Variants in SLAIN2 observed in about 807,000 individuals in gnomAD.
SLAIN2 encodes the protein SLAIN motif-containing protein 2.
A neutral mutation model predicts 56.6 loss-of-function variants in SLAIN2; 31 were observed. The ratio of observed to expected loss-of-function variants is 0.55; its 90% confidence interval spans 0.41 to 0.74. The LOEUF is 0.74. Among genes scored for constraint, SLAIN2 ranks in the 30% least tolerant of loss-of-function variants. The pLI, the probability that SLAIN2 is intolerant of heterozygous loss-of-function variation, is 0.00. For missense variants in SLAIN2, 777 were observed against 754.2 expected (o/e 1.03, Z -0.35); for synonymous variants, 317 against 284.9 (o/e 1.11, Z -1.13).
intron 1 of SLAIN2, among the ~76,000 whole-genome samples, chr4:48,360,582 A>G (rs1349375740): frequency 1.3e-5 from 2 of 151,958 alleles, no homozygotes; most frequent in Non-Finnish European, 1.5e-5. Flanking sequence ...ATGAAGTGAG[A>G]CTCTGTCTCC....
intron 1 of SLAIN2, among the ~76,000 whole-genome samples, chr4:48,363,740 G>A (rs1252159408): frequency 5.1e-5 from 5 of 98,054 alleles, no homozygotes; most frequent in South Asian, 4.8e-4. Flanking sequence ...CTGGCCAGGC[G>A]GGGGGCTGAC....
At chr4:48,360,611 C>T (rs765938370) in intron 1 of SLAIN2, among the ~76,000 whole-genome samples, 1 of 151,918 alleles carries the variant, frequency 6.6e-6, no homozygotes, top group African/African-American at 2.4e-5. Context: ...TTAAAAAAAA[C>T]ATAAATAGAT....
intron 6 of SLAIN2, among the ~76,000 whole-genome samples, chr4:48,404,429 G>A (rs1454891160): frequency 6.6e-6 from 1 of 151,896 alleles, no homozygotes; most frequent in Non-Finnish European, 1.5e-5. Flanking sequence ...CTTCCTCTTT[G>A]CTTCTCTATT....
intron 6 of SLAIN2, among the ~76,000 whole-genome samples, chr4:48,385,941 T>G (rs1221709042): frequency 2.2e-4 from 33 of 151,320 alleles, no homozygotes; most frequent in African/African-American, 7.8e-4. Context: ...TCTAAAAAAA[T>G]GTTTTTTTTT....
intron 6 of SLAIN2, among the ~76,000 whole-genome samples, chr4:48,416,406 A>AAAC (rs1281835417): frequency 8.2e-6 from 1 of 122,246 alleles, no homozygotes; most frequent in Non-Finnish European, 1.7e-5. Flanking sequence ...TTGTACATTG[A>AAAC]TTTTGTATCC....
At chr4:48,374,406 T>G (rs1424371550) in intron 2 of SLAIN2, among the ~76,000 whole-genome samples, 1 of 151,862 alleles carries the variant, frequency 6.6e-6, no homozygotes, top group Admixed American at 6.6e-5. Flanking sequence ...CCAGCTAATT[T>G]TTTTTGTATT....
intron 1 of SLAIN2, among the ~76,000 whole-genome samples, chr4:48,359,702 A>G (rs1715264662): frequency 6.6e-6 from 1 of 152,260 alleles, no homozygotes; most frequent in African/African-American, 2.4e-5. Context: ...TATTACACTT[A>G]AAGAAATAGT....
chr4:48,405,742 G>T (rs1716677014), intron 6 of SLAIN2, among the ~76,000 whole-genome samples: 1 of 151,742 alleles, frequency 6.6e-6, no homozygotes, highest in African/African-American at 2.4e-5. Context: ...TTACAGAATT[G>T]GGAATTTTAA....
chr4:48,388,321 G>A (rs1022314258), intron 6 of SLAIN2, among the ~76,000 whole-genome samples: 2 of 152,106 alleles, frequency 1.3e-5, no homozygotes, highest in Admixed American at 1.3e-4. Context: ...ATTAAAGGAA[G>A]GAATGTTCGT....
Position 48,368,051 on chromosome 4 carries a change from C to CTTTT in SLAIN2, c.390-1788_390-1785dup, listed in dbSNP as rs36096623. Among the ~76,000 whole-genome samples the CTTTT allele has an allele frequency of 1.4e-4, 12 of 88,848 alleles. 1 individual carries two copies. Among genetic ancestry groups the CTTTT allele is most frequent in the Admixed American group, 3.0e-4 (2 of 6,574 alleles). 58.3% of individuals were successfully genotyped at this position (88,848 alleles called of 152,430 possible). On this transcript the variant is annotated intron_variant, in intron 1 of 7. Coordinates refer to ENST00000264313, the MANE Select transcript of SLAIN2 (RefSeq NM_020846.2). ...TTCACTGAACGTAGTGTTTTTGAGGCTTTTTTTTTTTTTGACAGTGTTGCT... is the reference window on the plus strand; with the variant it reads ...TTCACTGAACGTAGTGTTTTTGAGGCTTTTTTTTTTTTTTTTTGACAGTGTTGCT...
chr4:48,390,078 C>CT (rs1405698886), intron 6 of SLAIN2, among the ~76,000 whole-genome samples: 1 of 131,264 alleles, frequency 7.6e-6, no homozygotes, highest in African/African-American at 3.0e-5. Context: ...TTCTTTTTTT[C>CT]TTTTTCTTTT....
chr4:48,354,477 TC>T (rs1202175241), intron 1 of SLAIN2, among the ~76,000 whole-genome samples: 3 of 133,184 alleles, frequency 2.3e-5, no homozygotes, highest in Middle Eastern at 3.9e-3. Context: ...TTTTTTTTTT[TC>T]CCCCCTCAGG....
chr4:48,394,061 C>G (rs1268358356), intron 6 of SLAIN2, among the ~76,000 whole-genome samples: 1 of 152,156 alleles, frequency 6.6e-6, no homozygotes, highest in African/African-American at 2.4e-5. Flanking sequence ...TGATATTGAA[C>G]ATATTAAAGT....
At chr4:48,381,214 T>G (rs1320417132) in intron 4 of SLAIN2, among the ~76,000 whole-genome samples, 3 of 152,210 alleles carry the variant, frequency 2.0e-5, no homozygotes, top group African/African-American at 7.2e-5. Flanking sequence ...CTTTTGGTTT[T>G]GTATTGTGTT....
rs1179839280 is a variant in SLAIN2 at position 48,382,777 on chromosome 4, C to T, written c.1072C>T (p.Pro358Ser). ...ACCTCGACCGTCACCTAAGCAGTCA[C>T]CCAGAAATTCACCTCGTTCACGATC... ...NSPRPSPKQS[P>S]RNSPRSRSPA... The change falls in exon 5 of 8, where the codon CCC becomes TCC. Residue 358 changes from proline (P) to serine (S), a missense_variant. Coordinates refer to ENST00000264313, the MANE Select transcript of SLAIN2 (RefSeq NM_020846.2). 4.3e-6 allele frequency: 7 copies of T among 1,613,630 alleles called. No homozygotes were observed. Among genetic ancestry groups the T allele is most frequent in the Non-Finnish European group, 8.5e-7 (1 of 1,179,864 alleles).
At chr4:48,394,777 A>C (rs887477310) in intron 6 of SLAIN2, 4 of 687,196 alleles carry the variant, frequency 5.8e-6, no homozygotes, top group Admixed American at 3.1e-5. Flanking sequence ...AAAGAATAAT[A>C]AAATAATGAG....
chr4:48,350,358 C>T (rs1349159464), intron 1 of SLAIN2, among the ~76,000 whole-genome samples: 1 of 152,220 alleles, frequency 6.6e-6, no homozygotes, highest in Non-Finnish European at 1.5e-5. Flanking sequence ...CAGACCCCTG[C>T]CTCCTTACCC....
In SLAIN2 at chr4:48,343,734, T is replaced by C. The variant is rs77178633; in HGVS notation, c.389+1606T>C. 2.3e-3 allele frequency among the ~76,000 whole-genome samples: 345 copies of C among 152,340 alleles called. 12 individuals are homozygous for C. The East Asian group carries it at 0.06, about 27-fold the overall frequency. Reference sequence around the variant, plus strand: ...ACAAGAGCAGAGTCAGAGGTATTTGTAACTCTCAGGAAGATTTGAGTAACA... The same window carrying C: ...ACAAGAGCAGAGTCAGAGGTATTTGCAACTCTCAGGAAGATTTGAGTAACA... On this transcript the variant is annotated intron_variant, in intron 1 of 7. Transcript: ENST00000264313.
At chr4:48,412,420 CCTCT>C (rs71191222) in intron 6 of SLAIN2, among the ~76,000 whole-genome samples, 31 of 136,778 alleles carry the variant, frequency 2.3e-4, no homozygotes, top group Non-Finnish European at 2.9e-4. Flanking sequence ...ACACACATTC[CCTCT>C]CTCTCTCTCT....
Sources: gnomAD v4.1 joint callset for allele counts (sites outside exome capture counted in the v4.1 genomes callset) on GRCh38, gnomAD v4.1.1 for gene constraint, MANE v1.5 for transcripts, NCBI Gene and HGNC (gene_info 2026-07-23, HGNC 2026-07-21) for gene names.